The following POFUT3 variants were observed in gnomAD, a reference collection of about 807,000 sequenced individuals.
The protein encoded by POFUT3 is protein O-fucosyltransferase 3.
At chr8:33,366,961 T>A in the POFUT3 span, among the ~76,000 whole-genome samples, 2 of 152,176 alleles carry the variant, frequency 1.3e-5, no homozygotes, top group Non-Finnish European at 2.9e-5. Flanking sequence ...AGACATGCAC[T>A]GGCCGAACAT....
the POFUT3 span, among the ~76,000 whole-genome samples, chr8:33,326,515 T>C: frequency 2.0e-5 from 3 of 152,226 alleles, no homozygotes; most frequent in African/African-American, 7.2e-5. Flanking sequence ...GTATTACATA[T>C]AGTTCATTTA....
chr8:33,413,676 C>A, the POFUT3 span, among the ~76,000 whole-genome samples: 1 of 152,162 alleles, frequency 6.6e-6, no homozygotes, highest in Non-Finnish European at 1.5e-5. Context: ...CCTTATTGCA[C>A]CAACTAAGTG....
the POFUT3 span, among the ~76,000 whole-genome samples, chr8:33,318,746 TA>T: frequency 1.4e-5 from 1 of 70,982 alleles, no homozygotes; most frequent in Non-Finnish European, 2.3e-5. Flanking sequence ...TATATTTATA[TA>T]ATATATAAAT....
chr8:33,349,708 T>C, the POFUT3 span, among the ~76,000 whole-genome samples: 3 of 152,232 alleles, frequency 2.0e-5, no homozygotes, highest in African/African-American at 7.2e-5. Flanking sequence ...GCTAGTTCCA[T>C]ATTTTTGCAA....
the POFUT3 span, among the ~76,000 whole-genome samples, chr8:33,308,344 A>G: frequency 1.1e-4 from 17 of 152,350 alleles, no homozygotes; most frequent in Admixed American, 6.5e-4. Flanking sequence ...ATTGAGCTCT[A>G]TCAGGAGACC....
At chr8:33,361,702 A>AT in the POFUT3 span, among the ~76,000 whole-genome samples, 2 of 152,226 alleles carry the variant, frequency 1.3e-5, no homozygotes, top group Admixed American at 1.3e-4. Flanking sequence ...GCTCAATAAA[A>AT]ATATATAGAA....
At chr8:33,453,561 G>A in the POFUT3 span, 2 of 1,439,796 alleles carry the variant, frequency 1.4e-6, no homozygotes, top group South Asian at 2.7e-5. Context: ...ATTTCCTTTT[G>A]CACATCTCTC....
the POFUT3 span, among the ~76,000 whole-genome samples, chr8:33,393,280 C>A: frequency 1.3e-5 from 2 of 152,224 alleles, no homozygotes; most frequent in Non-Finnish European, 2.9e-5. Context: ...GTTCACTGCT[C>A]TTACATTTAA....
chr8:33,395,430 A>G, the POFUT3 span, among the ~76,000 whole-genome samples: 42 of 152,014 alleles, frequency 2.8e-4, no homozygotes, highest in African/African-American at 8.9e-4. Flanking sequence ...GGACGATTGG[A>G]GAGGAGTTTG....
chr8:33,345,826 CT>C, the POFUT3 span, among the ~76,000 whole-genome samples: 30,672 of 137,514 alleles, frequency 0.22, 3,560 homozygotes, highest in South Asian at 0.5. Context: ...GTATTTATTA[CT>C]TTTTTTTTTT....
chr8:33,442,526 C>T, the POFUT3 span, among the ~76,000 whole-genome samples: 5 of 147,684 alleles, frequency 3.4e-5, no homozygotes, highest in Non-Finnish European at 4.5e-5. Context: ...CCTTGTGATC[C>T]GCCCACCTCA....
At chr8:33,430,285 T>G in the POFUT3 span, among the ~76,000 whole-genome samples, 1 of 152,180 alleles carries the variant, frequency 6.6e-6, no homozygotes, top group South Asian at 2.1e-4. Context: ...TCCTTTCATC[T>G]TTATGCCTTC....
the POFUT3 span, among the ~76,000 whole-genome samples, chr8:33,462,169 G>GAGGGGAGAGGAGGGGAAGGGA: frequency 3.3e-4 from 2 of 6,060 alleles, 1 homozygote; most frequent in Admixed American, 4.8e-3. Flanking sequence ...AAGGGGAAGG[G>GAGGGGAGAGGAGGGGAAGGGA]ACCAGAGTGG....
chr8:33,318,777 T>C, the POFUT3 span, among the ~76,000 whole-genome samples: 1,250 of 37,840 alleles, frequency 0.033, 28 homozygotes, highest in East Asian at 0.2. Flanking sequence ...ATATATTTTA[T>C]ATATATTTAT....
the POFUT3 span, among the ~76,000 whole-genome samples, chr8:33,448,503 T>G: frequency 3.3e-5 from 5 of 152,060 alleles, no homozygotes; most frequent in African/African-American, 1.2e-4. Flanking sequence ...TACACCTTGG[T>G]TCTCCACTGG....
chr8:33,388,329 CTTTTTT>C, the POFUT3 span, among the ~76,000 whole-genome samples: 1 of 83,862 alleles, frequency 1.2e-5, no homozygotes, highest in African/African-American at 4.8e-5. Context: ...AAGCAGAACT[CTTTTTT>C]TTTTTTTTTT....
the POFUT3 span, among the ~76,000 whole-genome samples, chr8:33,401,268 G>A: frequency 0.016 from 2,446 of 152,214 alleles, 64 homozygotes; most frequent in African/African-American, 0.056. Flanking sequence ...TCACAGGCAT[G>A]AGCCACTGTG....
the POFUT3 span, among the ~76,000 whole-genome samples, chr8:33,322,462 C>T: frequency 1.3e-5 from 2 of 152,102 alleles, no homozygotes; most frequent in African/African-American, 2.4e-5. Flanking sequence ...ACTGCTGCTG[C>T]TGCTACAGGG....
chr8:33,430,534 T>C, the POFUT3 span, among the ~76,000 whole-genome samples: 151 of 152,304 alleles, frequency 9.9e-4, no homozygotes, highest in South Asian at 5.6e-3. Flanking sequence ...TGTCAAAGAC[T>C]TGAGAAAAAC....
Sources: allele counts gnomAD v4.1 joint callset (sites outside exome capture counted in the v4.1 genomes callset), GRCh38; gene constraint gnomAD v4.1.1; transcripts MANE v1.5; gene names NCBI Gene and HGNC (gene_info 2026-07-23, HGNC 2026-07-21).